Variants in L3MBTL3 observed in about 807,000 individuals in gnomAD.
L3MBTL3 encodes L3MBTL histone methyl-lysine binding protein 3.
A neutral mutation model predicts 102.3 loss-of-function variants in L3MBTL3; 27 were observed. The ratio of observed to expected loss-of-function variants is 0.26; its 90% CI spans 0.19 to 0.36. The LOEUF is 0.36. Ranked by LOEUF, L3MBTL3 falls within the 10% of genes least tolerant of loss-of-function variation. The pLI is 1.00. For synonymous variants in L3MBTL3, 340 were observed against 320.9 expected, an observed-to-expected ratio of 1.06 and a Z score of -0.64; for missense variants, 798 against 955.3, an observed-to-expected ratio of 0.84 and a Z score of 2.17.
intron 2 of L3MBTL3, among the ~76,000 whole-genome samples, chr6:130,035,585 A>C (rs774560962): frequency 1.3e-5 from 2 of 152,242 alleles, no homozygotes; most frequent in Non-Finnish European, 2.9e-5. Flanking sequence ...CACTAGTGCC[A>C]GCAGTAATGG....
intron 13 of L3MBTL3, among the ~76,000 whole-genome samples, chr6:130,071,505 T>C (rs547671137): frequency 6.6e-6 from 1 of 152,216 alleles, no homozygotes; most frequent in East Asian, 1.9e-4. Flanking sequence ...TTGCAGTTTT[T>C]AGATATCCTG....
chr6:130,044,430 T>C (rs1780609067), intron 3 of L3MBTL3, among the ~76,000 whole-genome samples: 1 of 152,186 alleles, frequency 6.6e-6, no homozygotes, highest in Non-Finnish European at 1.5e-5. Flanking sequence ...ATGATGAAAT[T>C]TGTAAATTTT....
intron 1 of L3MBTL3, among the ~76,000 whole-genome samples, chr6:130,022,023 C>T (rs1316353067): frequency 1.3e-5 from 2 of 152,152 alleles, no homozygotes; most frequent in African/African-American, 4.8e-5. Context: ...GAATTTAGGA[C>T]ATGGGAATGA....
intron 19 of L3MBTL3, among the ~76,000 whole-genome samples, chr6:130,112,649 TC>T (rs1165938583): frequency 1.3e-5 from 2 of 152,114 alleles, no homozygotes; most frequent in African/African-American, 4.8e-5. Flanking sequence ...GGGATCAGTA[TC>T]TCAGAACATT....
At chr6:130,080,714 G>A (rs1256587998) in intron 14 of L3MBTL3, among the ~76,000 whole-genome samples, 1 of 152,062 alleles carries the variant, frequency 6.6e-6, no homozygotes, top group Non-Finnish European at 1.5e-5. Flanking sequence ...AATTGCATGT[G>A]AAAATACCAA....
chr6:130,101,803 T>C (rs1784706715), intron 18 of L3MBTL3, among the ~76,000 whole-genome samples: 1 of 152,208 alleles, frequency 6.6e-6, no homozygotes. Context: ...TTAGGCAGAA[T>C]TGGTTTTGGT....
chr6:130,122,967 G>T (rs1216521149), intron 20 of L3MBTL3, among the ~76,000 whole-genome samples: 1 of 152,142 alleles, frequency 6.6e-6, no homozygotes, highest in Non-Finnish European at 1.5e-5. Context: ...AGTGTCTATT[G>T]TATGGAATTA....
intron 22 of L3MBTL3, among the ~76,000 whole-genome samples, chr6:130,138,967 G>T (rs1401075000): frequency 6.6e-6 from 1 of 152,092 alleles, no homozygotes; most frequent in Non-Finnish European, 1.5e-5. Flanking sequence ...CCAGAGAGAG[G>T]AAGGGTCTTT....
intron 18 of L3MBTL3, among the ~76,000 whole-genome samples, chr6:130,097,603 G>T (rs1423185767): frequency 1.3e-5 from 2 of 152,198 alleles, no homozygotes; most frequent in East Asian, 3.9e-4. Flanking sequence ...GATGGGTATG[G>T]TTTTCTCATC....
chr6:130,023,774 A>G (rs1779158927), intron 2 of L3MBTL3, among the ~76,000 whole-genome samples: 1 of 152,208 alleles, frequency 6.6e-6, no homozygotes, highest in East Asian at 1.9e-4. Flanking sequence ...TAGATTGTCT[A>G]AGTCAGAATA....
intron 2 of L3MBTL3, among the ~76,000 whole-genome samples, chr6:130,027,113 G>A (rs1479209724): frequency 2.6e-5 from 4 of 152,090 alleles, no homozygotes; most frequent in Admixed American, 6.6e-5. Flanking sequence ...TTGACTCATC[G>A]GGTGGTTTTG....
intron 19 of L3MBTL3, among the ~76,000 whole-genome samples, chr6:130,114,771 A>G (rs1200221644): frequency 3.9e-5 from 6 of 152,172 alleles, no homozygotes; most frequent in Non-Finnish European, 5.9e-5. Flanking sequence ...CTCAAAAGGA[A>G]TTTAATTTTA....
At chr6:130,027,976 C>T (rs866735602) in intron 2 of L3MBTL3, among the ~76,000 whole-genome samples, 4 of 151,494 alleles carry the variant, frequency 2.6e-5, no homozygotes, top group South Asian at 2.1e-4. Flanking sequence ...ATAGTCTGCA[C>T]GTTGAACATG....
At chr6:130,077,054 C>T (rs1345085351) in intron 13 of L3MBTL3, among the ~76,000 whole-genome samples, 1 of 151,914 alleles carries the variant, frequency 6.6e-6, no homozygotes. Context: ...CACTGTGAGT[C>T]CGACAGATAA....
intron 13 of L3MBTL3, among the ~76,000 whole-genome samples, chr6:130,073,198 G>A (rs1782743817): frequency 6.6e-6 from 1 of 152,130 alleles, no homozygotes; most frequent in Non-Finnish European, 1.5e-5. Context: ...CTTGAACCCA[G>A]GAGTTTGAGA....
intron 3 of L3MBTL3, among the ~76,000 whole-genome samples, chr6:130,048,765 G>A (rs564895720): frequency 6.6e-6 from 1 of 152,304 alleles, no homozygotes; most frequent in African/African-American, 2.4e-5. Context: ...TCACTTCTTG[G>A]ATTGTAAGGA....
At chr6:130,125,328 A>G (rs1184740475) in intron 20 of L3MBTL3, among the ~76,000 whole-genome samples, 2 of 151,936 alleles carry the variant, frequency 1.3e-5, no homozygotes, top group Non-Finnish European at 2.9e-5. Flanking sequence ...TTTTCCTGTG[A>G]TTTCCTACAT....
chr6:130,060,287 C>G, intron 10 of L3MBTL3, 147 bp downstream of exon 10: 1 of 578,388 alleles, frequency 1.7e-6, no homozygotes, highest in Non-Finnish European at 3.0e-6. Context: ...TTGTAAGAAT[C>G]CTGTGCATGT....
At chr6:130,112,178 T>C (rs1227523195) in intron 19 of L3MBTL3, among the ~76,000 whole-genome samples, 1 of 152,208 alleles carries the variant, frequency 6.6e-6, no homozygotes, top group Non-Finnish European at 1.5e-5. Context: ...GCTGTTGACG[T>C]TCTTGGGTAA....
Sources: allele counts gnomAD v4.1 joint callset (sites outside exome capture counted in the v4.1 genomes callset), GRCh38; gene constraint gnomAD v4.1.1; transcripts MANE v1.5; gene names NCBI Gene and HGNC (gene_info 2026-07-23, HGNC 2026-07-21).